GALNTL6: variants seen among roughly 807,000 people sequenced by gnomAD.
The protein encoded by GALNTL6 is polypeptide N-acetylgalactosaminyltransferase-like 6.
Under a neutral mutation model 73.7 loss-of-function variants are expected in GALNTL6, and 46 were observed. The observed-to-expected ratio is 0.62, with a 90% CI of 0.49 to 0.80. The LOEUF is 0.80. Among genes scored for constraint, GALNTL6 ranks in the 30% least tolerant of loss-of-function variants. GALNTL6 has a pLI of 0.00. For missense variants in GALNTL6, 604 were observed against 755.0 expected, an observed-to-expected ratio of 0.80 and a Z score of 2.34; for synonymous variants, 259 against 263.7, an observed-to-expected ratio of 0.98 and a Z score of 0.17.
rs536543943 is a variant in GALNTL6, at chr4:172,065,816, C to T, written c.139-163840C>T. ...CGGCAGAAGGCACCTTTCACAGGGG[C>T]GCAGAAGAGAGGATTAGTGTCCAGT... On this transcript the variant is annotated intron_variant, in intron 2 of 12. Transcript: ENST00000506823. Among the ~76,000 whole-genome samples, 19 of 152,178 alleles carry T rather than the reference C, an allele frequency of 1.2e-4. No individual in the cohort carries two copies. The South Asian group carries it at 3.7e-3, about 30-fold the overall frequency.
intron 8 of GALNTL6, among the ~76,000 whole-genome samples, chr4:172,909,108 A>C (rs1691852653): frequency 6.6e-6 from 1 of 151,954 alleles, no homozygotes; most frequent in Non-Finnish European, 1.5e-5. Flanking sequence ...ATTTCAAATC[A>C]AGACGGAGAC....
intron 2 of GALNTL6, among the ~76,000 whole-genome samples, chr4:172,131,513 C>CAT (rs1184101834): frequency 7.0e-6 from 1 of 143,700 alleles, no homozygotes; most frequent in African/African-American, 2.6e-5. Flanking sequence ...TATATGTGTG[C>CAT]ATATATATAC....
chr4:173,021,766 G>A, intron 12 of GALNTL6, 141 bp downstream of exon 12: 1 of 798,748 alleles, frequency 1.3e-6, no homozygotes, highest in South Asian at 1.7e-5. Flanking sequence ...GGTCGAGGTG[G>A]GCAGATCACC....
At chr4:172,365,557 A>G (rs1258905594) in intron 5 of GALNTL6, among the ~76,000 whole-genome samples, 2 of 152,148 alleles carry the variant, frequency 1.3e-5, no homozygotes, top group African/African-American at 4.8e-5. Flanking sequence ...AGATGAAAAT[A>G]AACTTTCTCT....
At chr4:171,954,795 C>A (rs934736704) in intron 2 of GALNTL6, among the ~76,000 whole-genome samples, 4 of 152,114 alleles carry the variant, frequency 2.6e-5, no homozygotes, top group Admixed American at 6.6e-5. Context: ...CCTCTCTTCT[C>A]TCTTGACAGT....
chr4:172,377,857 C>A (rs1040738026), intron 5 of GALNTL6, among the ~76,000 whole-genome samples: 4 of 152,116 alleles, frequency 2.6e-5, no homozygotes, highest in Non-Finnish European at 5.9e-5. Context: ...CCCACACCCA[C>A]CCAGAATTCA....
At position 172,095,296 on chromosome 4, in the gene GALNTL6, A is replaced by G. The variant is rs916292922; in HGVS notation, c.139-134360A>G. Among the ~76,000 whole-genome samples, 3 of 152,140 alleles carry G rather than the reference A, an allele frequency of 2.0e-5. No individual in the cohort carries two copies. The East Asian group carries it at 5.8e-4, about 29-fold the overall frequency. On this transcript the variant is annotated intron_variant, in intron 2 of 12. Coordinates refer to ENST00000506823, the MANE Select transcript of GALNTL6 (RefSeq NM_001034845.3). ...AAGGATGCTCAACTGGCAGCTCAGG[A>G]ACTCTGAGAAGGAGCCTCATAGGGT...
At chr4:173,029,331 T>A (rs1341399957) in intron 12 of GALNTL6, among the ~76,000 whole-genome samples, 3 of 152,182 alleles carry the variant, frequency 2.0e-5, no homozygotes, top group African/African-American at 7.2e-5. Context: ...TCAAGACAGA[T>A]CCCAAATATT....
chr4:172,925,754 C>A (rs1319021522), intron 8 of GALNTL6, among the ~76,000 whole-genome samples: 3 of 152,214 alleles, frequency 2.0e-5, no homozygotes, highest in Non-Finnish European at 4.4e-5. Flanking sequence ...ACCCAGCAGA[C>A]ACCTAGACTT....
Position 171,920,550 on chromosome 4 carries a change from T to C in GALNTL6, c.138+105832T>C, listed in dbSNP as rs770215752. ...AGTAAAATAATATAAACAAGAAGAGTTTATTTCAGGAATGCAACACATGTA... is the reference window on the plus strand; with the variant it reads ...AGTAAAATAATATAAACAAGAAGAGCTTATTTCAGGAATGCAACACATGTA... On this transcript the variant is annotated intron_variant, in intron 2 of 12. Coordinates refer to ENST00000506823, the MANE Select transcript of GALNTL6 (RefSeq NM_001034845.3). Among the ~76,000 whole-genome samples, 3 of 151,750 alleles carry C rather than the reference T, an allele frequency of 2.0e-5. No individual in the cohort carries two copies. The East Asian group carries it at 5.8e-4, about 29-fold the overall frequency.
At chr4:172,685,573 G>A (rs1226206138) in intron 5 of GALNTL6, among the ~76,000 whole-genome samples, 1 of 152,132 alleles carries the variant, frequency 6.6e-6, no homozygotes, top group Admixed American at 6.5e-5. Flanking sequence ...CTCACCTGAA[G>A]ATGGAATGAG....
intron 10 of GALNTL6, among the ~76,000 whole-genome samples, chr4:172,989,173 C>T (rs1751432232): frequency 6.6e-6 from 1 of 152,202 alleles, no homozygotes; most frequent in Non-Finnish European, 1.5e-5. Context: ...ATGAAATCAA[C>T]CAAGGAGGCT....
rs1478144139 is a variant in GALNTL6 at position 172,695,290 on chromosome 4, A to G, written c.554-114071A>G. Among the ~76,000 whole-genome samples, 5 of 152,320 alleles carry G rather than the reference A, an allele frequency of 3.3e-5. No individual in the cohort carries two copies. The East Asian group carries it at 9.6e-4, about 29-fold the overall frequency. ...GAAAGATTAAAAAACAATGACAGAA[A>G]TGATGTAGGTGATCTTTTGTATAAC... On this transcript the variant is annotated intron_variant, in intron 5 of 12. Coordinates refer to ENST00000506823, the MANE Select transcript of GALNTL6 (RefSeq NM_001034845.3).
At chr4:172,380,370 C>A in intron 5 of GALNTL6, 1 of 683,522 alleles carries the variant, frequency 1.5e-6, no homozygotes, top group Non-Finnish European at 2.8e-6. Context: ...CAGGGACTGG[C>A]AATGACCACA....
chr4:172,989,011 G>T (rs1442902139), intron 10 of GALNTL6, among the ~76,000 whole-genome samples: 1 of 152,218 alleles, frequency 6.6e-6, no homozygotes, highest in Non-Finnish European at 1.5e-5. Flanking sequence ...GGGAAATGTG[G>T]TGGCAGGGCC....
chr4:172,050,099 G>C (rs368375064), intron 2 of GALNTL6, among the ~76,000 whole-genome samples: 24 of 152,102 alleles, frequency 1.6e-4, no homozygotes, highest in African/African-American at 5.1e-4. Flanking sequence ...TGGCTGGCAG[G>C]CTGGACTTTA....
chr4:172,309,964 T>A (rs928021137), intron 3 of GALNTL6, among the ~76,000 whole-genome samples: 1 of 152,042 alleles, frequency 6.6e-6, no homozygotes, highest in African/African-American at 2.4e-5. Flanking sequence ...GAAAAATAGC[T>A]GATATATATA....
At chr4:171,818,140 C>T (rs1734571052) in intron 2 of GALNTL6, among the ~76,000 whole-genome samples, 1 of 151,576 alleles carries the variant, frequency 6.6e-6, no homozygotes, top group African/African-American at 2.4e-5. Flanking sequence ...ATTTGAAATG[C>T]TCCTCTTCTC....
intron 2 of GALNTL6, among the ~76,000 whole-genome samples, chr4:172,039,592 A>G (rs1302370598): frequency 1.3e-5 from 2 of 152,172 alleles, no homozygotes; most frequent in East Asian, 3.9e-4. Context: ...AGGACAGTTC[A>G]TAACAGTGCA....
Sources: allele counts gnomAD v4.1 joint callset (sites outside exome capture counted in the v4.1 genomes callset), GRCh38; gene constraint gnomAD v4.1.1; transcripts MANE v1.5; gene names NCBI Gene and HGNC (gene_info 2026-07-23, HGNC 2026-07-21).